Variants in SOHLH2 observed in about 807,000 individuals in gnomAD.
SOHLH2 encodes spermatogenesis and oogenesis specific basic helix-loop-helix 2.
Under a neutral mutation model 50.4 loss-of-function variants are expected in SOHLH2, and 22 were observed. The ratio of observed to expected loss-of-function variants is 0.44; its 90% confidence interval spans 0.31 to 0.62. The LOEUF is 0.62. Ranked by LOEUF, SOHLH2 falls within the 20% of genes least tolerant of loss-of-function variation. SOHLH2 has a pLI of 0.08. For missense variants in SOHLH2, 412 were observed against 504.4 expected (o/e 0.82, Z 1.76); for synonymous variants, 185 against 187.3 (o/e 0.99, Z 0.10).
intron 2 of SOHLH2, among the ~76,000 whole-genome samples, chr13:36,200,592 T>C (rs1350952025): frequency 6.6e-6 from 1 of 152,248 alleles, no homozygotes; most frequent in Non-Finnish European, 1.5e-5. Context: ...AGCTCTCATA[T>C]GTTCCAATAT....
chr13:36,203,474 T>G (rs1323538776), intron 1 of SOHLH2, among the ~76,000 whole-genome samples: 2 of 152,230 alleles, frequency 1.3e-5, no homozygotes, highest in Non-Finnish European at 2.9e-5. Flanking sequence ...ATTCTCCCAG[T>G]GTTGGGTTTT....
intron 6 of SOHLH2, among the ~76,000 whole-genome samples, chr13:36,179,604 G>A (rs2138276610): frequency 6.6e-6 from 1 of 151,902 alleles, no homozygotes; most frequent in East Asian, 1.9e-4. Flanking sequence ...GTAGAGGCGA[G>A]GTTTTGCCAT....
chr13:36,173,009 G>T (rs1160384710), intron 9 of SOHLH2, among the ~76,000 whole-genome samples: 1 of 116,598 alleles, frequency 8.6e-6, no homozygotes, highest in African/African-American at 2.6e-5. Context: ...GTTATTTCAG[G>T]TACACGGGCA....
chr13:36,201,063 A>AAG (rs1887889078), intron 2 of SOHLH2, among the ~76,000 whole-genome samples: 2 of 150,668 alleles, frequency 1.3e-5, no homozygotes, highest in Non-Finnish European at 3.0e-5. Flanking sequence ...AAAAAAAAAA[A>AAG]AAAAAAAAGA....
rs143290640 is a variant in SOHLH2 at position 36,176,542 on chromosome 13, T to C, written c.642-1673A>G. ...TTTTGGAATATTTGCATAGACATAA[T>C]AAGATAGCTTGGGGATGGGACCCAA... On this transcript the variant is annotated intron_variant, in intron 6 of 10. Transcript: ENST00000379881. 7.8e-3 allele frequency among the ~76,000 whole-genome samples: 1,192 copies of C among 152,218 alleles called. 37 individuals carry two copies. The highest frequency in any genetic ancestry group is 0.055 in the Admixed American group (839 of 15,288).
intron 10 of SOHLH2, 116 bp from the exon 11 acceptor site, chr13:36,169,170 T>C: frequency 1.4e-6 from 2 of 1,398,518 alleles, no homozygotes; most frequent in Non-Finnish European, 1.9e-6. Flanking sequence ...CAAAACTATG[T>C]TAAATCCTCA....
chr13:36,185,391 C>CGGGAGGCAGAAGTTGCA (rs1887388787), intron 6 of SOHLH2, among the ~76,000 whole-genome samples: 1 of 151,826 alleles, frequency 6.6e-6, no homozygotes, highest in Admixed American at 6.6e-5. Context: ...TGCTTGAACC[C>CGGGAGGCAGAAGTTGCA]GGGAGGCAGA....
intron 2 of SOHLH2, among the ~76,000 whole-genome samples, chr13:36,199,298 A>C (rs891245139): frequency 7.5e-6 from 1 of 133,470 alleles, no homozygotes; most frequent in Non-Finnish European, 1.6e-5. Flanking sequence ...ATGAAAGCAA[A>C]GCTTACACAC....
intron 1 of SOHLH2, among the ~76,000 whole-genome samples, chr13:36,209,664 T>C (rs1868991669): frequency 6.6e-6 from 1 of 152,196 alleles, no homozygotes; most frequent in South Asian, 2.1e-4. Flanking sequence ...CAGTTAAGAT[T>C]TCAACATATG....
intron 1 of SOHLH2, among the ~76,000 whole-genome samples, chr13:36,207,241 C>T (rs1218672068): frequency 4.6e-5 from 7 of 151,934 alleles, no homozygotes; most frequent in Non-Finnish European, 8.8e-5. Flanking sequence ...TAATTGTGAA[C>T]ATTTACAATT....
At chr13:36,170,895 A>G in intron 9 of SOHLH2, 108 bp from the exon 10 acceptor site, 1 of 1,492,088 alleles carries the variant, frequency 6.7e-7, no homozygotes, top group Non-Finnish European at 9.0e-7. Flanking sequence ...CACATTACAA[A>G]TCTGTACTAC....
chr13:36,180,311 GTTTAT>G (rs1293507831), intron 6 of SOHLH2, among the ~76,000 whole-genome samples: 2 of 152,012 alleles, frequency 1.3e-5, no homozygotes, highest in African/African-American at 4.8e-5. Context: ...ACTTATTTGG[GTTTAT>G]TTTGTTTTAC....
At position 36,201,926 on chromosome 13, in the gene SOHLH2, C is replaced by G. The variant is rs143149972; in HGVS notation, c.216G>C (p.Val72=). ...GCTCCTCGGCACTTAGTGAAGAAGG[C>G]ACCTTCAAGAGAACCATGTTGAATA... ...DCIFNMVLLK[V]PSSLSAEELE... Residue 72 remains valine (V), a synonymous_variant, in exon 2 of 11, where the codon GTG becomes GTC. Coordinates refer to ENST00000379881, the MANE Select transcript of SOHLH2 (RefSeq NM_017826.3). The G allele has an allele frequency of 6.8e-6, 11 of 1,614,090 alleles. No individual in the cohort carries two copies. In the African/African-American group the frequency reaches 1.3e-4, roughly 20 times the overall value.
chr13:36,184,582 C>A (rs915983700), intron 6 of SOHLH2, among the ~76,000 whole-genome samples: 1 of 151,518 alleles, frequency 6.6e-6, no homozygotes, highest in Non-Finnish European at 1.5e-5. Context: ...TCCTCAGCCT[C>A]CCGAGTAGCT....
chr13:36,202,694 A>G, intron 1 of SOHLH2, among the ~76,000 whole-genome samples: 1 of 152,200 alleles, frequency 6.6e-6, no homozygotes, highest in African/African-American at 2.4e-5. Context: ...TTATTTCTGT[A>G]TGTTTTATTC....
intron 1 of SOHLH2, among the ~76,000 whole-genome samples, chr13:36,211,737 G>A (rs1869136723): frequency 6.6e-6 from 1 of 152,212 alleles, no homozygotes; most frequent in South Asian, 2.1e-4. Context: ...AGAATGTTAT[G>A]AGAAGTGTTT....
intron 6 of SOHLH2, 34 bp downstream of exon 6, chr13:36,189,912 A>T (rs745569457): frequency 1.3e-6 from 2 of 1,538,620 alleles, no homozygotes; most frequent in Non-Finnish European, 1.8e-6. Flanking sequence ...CCTACAAAAG[A>T]ATAATGCTTA....
chr13:36,202,671 CCAACTT>C (rs1481310910), intron 1 of SOHLH2, among the ~76,000 whole-genome samples: 3 of 152,160 alleles, frequency 2.0e-5, no homozygotes, highest in African/African-American at 4.8e-5. Flanking sequence ...AAGAGCATTC[CCAACTT>C]CATGTTTTAT....
intron 1 of SOHLH2, among the ~76,000 whole-genome samples, chr13:36,202,954 C>T (rs1411737522): frequency 2.0e-5 from 3 of 152,178 alleles, no homozygotes; most frequent in Non-Finnish European, 2.9e-5. Context: ...GTGGGGCTTC[C>T]TTCTCTTTTC....
Sources: allele counts gnomAD v4.1 joint callset (sites outside exome capture counted in the v4.1 genomes callset), GRCh38; gene constraint gnomAD v4.1.1; transcripts MANE v1.5; gene names NCBI Gene and HGNC (gene_info 2026-07-23, HGNC 2026-07-21).